Variants in INPPL1 observed in about 807,000 individuals in gnomAD.
INPPL1 encodes the protein phosphatidylinositol 3,4,5-trisphosphate 5-phosphatase 2.
A neutral mutation model predicts 139.3 loss-of-function variants in INPPL1; 91 were observed. The ratio of observed to expected loss-of-function variants is 0.65; its 90% confidence interval spans 0.55 to 0.78. INPPL1 has a LOEUF of 0.78. INPPL1 is among the 30% of genes least tolerant of loss of function. The probability of loss-of-function intolerance (pLI) is 0.00; values close to 1 mark genes in which losing one functional copy is unlikely to be tolerated. For missense variants in INPPL1, 1,411 were observed against 1,665.6 expected (o/e 0.85, Z 2.66); for synonymous variants, 719 against 686.6 (o/e 1.05, Z -0.74).
At position 72,228,752 on chromosome 11, in the gene INPPL1, GC is replaced by G; in HGVS notation, c.428del (p.Pro143ArgfsTer36). On this transcript the variant is annotated frameshift_variant, in exon 4 of 28. Transcript: ENST00000298229. LOFTEE classifies it high-confidence loss of function. The surrounding 1 kb of genome is among the most constrained non-coding windows in gnomAD (Gnocchi z 5.0). ...ATGGGGAGGATGAGAAGCCCCCGCT[GC>G]CCCCGCGCTCTGGCTCCACCAGCAT... ...SDGEDEKPPL[P>X]PRSGSTSISA... 1 of 1,608,162 alleles carries G rather than the reference GC, an allele frequency of 6.2e-7. No homozygotes were observed. The highest frequency in any genetic ancestry group is 1.1e-5 in the South Asian group (1 of 90,296).
chr11:72,232,259 C>T lies in INPPL1; in HGVS notation c.1635C>T (p.Gly545=), dbSNP rs190851536. Residue 545 remains glycine, a synonymous_variant, in exon 14 of 28, where the codon GGC becomes GGT. Transcript: ENST00000298229. The part of the protein sequence containing the change: ...ANTLGNKGAV[G]VSFMFNGTSF... The stretch of plus-strand genomic sequence containing the variant: ...TAACAGGGAACAAGGGGGCTGTGGG[C>T]GTCTCCTTCATGTTTAATGGCACCT... 8.1e-5 allele frequency: 126 copies of T among 1,556,146 alleles called. No homozygotes were observed. Among genetic ancestry groups the T allele is most frequent in the South Asian group, 7.0e-4 (59 of 84,356 alleles).
In INPPL1 at chr11:72,228,505, C is replaced by T. The variant is rs768475256; in HGVS notation, c.397+7C>T. 5 of 1,604,556 alleles carry T rather than the reference C, an allele frequency of 3.1e-6. No individual in the cohort carries two copies. The highest frequency in any genetic ancestry group is 2.5e-6 in the Non-Finnish European group (3 of 1,179,892). On this transcript the variant is annotated splice_region_variant and intron_variant, in intron 3 of 27. Coordinates refer to ENST00000298229, the MANE Select transcript of INPPL1 (RefSeq NM_001567.4). This position sits in a 1 kb window ranked among gnomAD's most constrained non-coding sequence, Gnocchi z 5.0. Reference sequence around the variant, plus strand: ...GATGACCGGGATGCCTCAGGTACTTCCCAGTGTGCAGGTCCCCTCCCTGCC... The same window carrying T: ...GATGACCGGGATGCCTCAGGTACTTTCCAGTGTGCAGGTCCCCTCCCTGCC...
intron 11 of INPPL1, 35 bp from the exon 12 acceptor site, chr11:72,230,958 C>T (rs1565389104): frequency 6.2e-7 from 1 of 1,610,892 alleles, no homozygotes; most frequent in East Asian, 2.2e-5. Flanking sequence ...AGGTGCCTAA[C>T]CCCTCCAGAC....
Position 72,233,743 on chromosome 11 carries a change from A to C in INPPL1, c.2211A>C (p.Lys737Asn). The change falls in exon 19 of 28, where the codon AAA (lysine) becomes AAC (asparagine). Residue 737 changes from lysine to asparagine, a missense_variant and splice_region_variant. Lys to Asn is a moderately conservative substitution (Grantham distance 94). Coordinates refer to ENST00000298229, the MANE Select transcript of INPPL1 (RefSeq NM_001567.4). The part of the protein sequence containing the change: ...VGVTSQFISK[K>N]GLSKTSDQAY... ...TTACCTCCCAGTTCATCTCCAAGAA[A>C]GGTGACTGTTCCAGATATGCTTGTG... 6.2e-7 allele frequency: 1 copy of C among 1,613,534 alleles called. No individual in the cohort carries two copies. The highest frequency in any genetic ancestry group is 8.5e-7 in the Non-Finnish European group (1 of 1,179,430).
rs746371096 is a variant in INPPL1, at chr11:72,234,732, A to AGAGAGTGTGTGT, written c.2415+118_2415+119insAGAGTGTGTGTG. 1.1e-5 allele frequency: 6 copies of AGAGAGTGTGTGT among 528,408 alleles called. No homozygotes were observed. Among genetic ancestry groups the AGAGAGTGTGTGT allele is most frequent in the African/African-American group, 1.0e-4 (5 of 48,498 alleles). The allele number at this position is 528,408 out of a possible 1,614,324, so 32.7% of individuals were successfully genotyped here. ...GGGGCCAGCAGAGAGAGAGAGAGAG[A>AGAGAGTGTGTGT]GTGTGTGTGTGTGTGTGTGTGTGTG... On this transcript the variant is annotated intron_variant, in intron 21 of 27. Coordinates refer to ENST00000298229, the MANE Select transcript of INPPL1 (RefSeq NM_001567.4). The surrounding 1 kb of genome is among the most constrained non-coding windows in gnomAD (Gnocchi z 4.2).
chr11:72,238,244 A>G lies in INPPL1; in HGVS notation c.3687-19A>G. The G allele has an allele frequency of 6.2e-7, 1 of 1,613,542 alleles. No homozygotes were observed. Among genetic ancestry groups the G allele is most frequent in the South Asian group, 1.1e-5 (1 of 91,052 alleles). On this transcript the variant is annotated intron_variant, in intron 27 of 27. Transcript: ENST00000298229. ...GATCCCCTTGCCCATCTCACTTCCC[A>G]GCCTGTTTTACTCCACAGTGACATC... is the stretch of plus-strand genomic sequence containing the variant.
rs768570394 is a variant in INPPL1 at position 72,237,708 on chromosome 11, C to G, written c.3464C>G (p.Pro1155Arg). ...LLPGPLELQP[P>R]RGLPSDYGRP... ...CCAGGCCCCCTGGAGCTGCAGCCCC[C>G]CCGGGGACTGCCCTCGGACTATGGC... is the stretch of plus-strand genomic sequence containing the variant. The change falls in exon 26 of 28, where the codon CCC becomes CGC. Residue 1155 changes from proline (P) to arginine (R), a missense_variant. Physicochemically the swap from Pro to Arg is moderately radical, Grantham distance 103 (BLOSUM62 -2). Around this residue, in one of 5 missense-constraint regions of INPPL1, gnomAD observed 438 missense variants for 425.7 expected, o/e 1.03. Coordinates refer to ENST00000298229, the MANE Select transcript of INPPL1 (RefSeq NM_001567.4). The G allele has an allele frequency of 2.5e-6, 4 of 1,611,684 alleles. No individual in the cohort carries two copies. Among genetic ancestry groups the G allele is most frequent in the Non-Finnish European group, 1.7e-6 (2 of 1,179,520 alleles).
At position 72,234,355 on chromosome 11, in the gene INPPL1, A is replaced by AC. The variant is rs1370512716; in HGVS notation, c.2289dup (p.Lys764GlnfsTer19). The AC allele has an allele frequency of 6.2e-7, 1 of 1,613,980 alleles. No individual in the cohort carries two copies. Among genetic ancestry groups the AC allele is most frequent in the Non-Finnish European group, 8.5e-7 (1 of 1,180,028 alleles). ...GGCCATTGTGAAGACAGCCAGCCGC[A>AC]CCAAGTTCTTCATCGAGTTCTACTC... On this transcript the variant is annotated frameshift_variant, in exon 20 of 28. Coordinates refer to ENST00000298229, the MANE Select transcript of INPPL1 (RefSeq NM_001567.4). LOFTEE classifies it high-confidence loss of function. This position sits in a 1 kb window ranked among gnomAD's most constrained non-coding sequence, Gnocchi z 4.2.
Position 72,234,180 on chromosome 11 carries a change from C to T in INPPL1, c.2213-101C>T. On this transcript the variant is annotated intron_variant, in intron 19 of 27. Transcript: ENST00000298229. This position sits in a 1 kb window ranked among gnomAD's most constrained non-coding sequence, Gnocchi z 4.2. ...GGCCCCTCCTGGCCCTGCCTCCTTG[C>T]TCTGGACCCCTGATTTCCTGTCCCA... 1.1e-6 allele frequency: 1 copy of T among 909,158 alleles called. No homozygotes were observed. The highest frequency in any genetic ancestry group is 1.8e-6 in the Non-Finnish European group (1 of 563,986). The allele number at this position is 909,158 out of a possible 1,614,324, so 56.3% of individuals were successfully genotyped here. A position where few individuals can be genotyped will look rare whatever the true frequency, so the allele number is the denominator to read the frequency against.
intron 26 of INPPL1, 93 bp from the exon 27 acceptor site, chr11:72,237,949 C>G: frequency 6.8e-7 from 1 of 1,460,744 alleles, no homozygotes; most frequent in South Asian, 1.4e-5. Context: ...CCCAGCCCTT[C>G]CCTTCCTTTT....
At position 72,225,038 on chromosome 11, in the gene INPPL1, C is replaced by G; in HGVS notation, c.54C>G (p.Ala18=). The G allele has an allele frequency of 8.1e-7, 1 of 1,228,194 alleles. No homozygotes were observed. The highest frequency in any genetic ancestry group is 4.3e-5 in the Admixed American group (1 of 23,434). 76.1% of individuals were successfully genotyped at this position (1,228,194 alleles called of 1,614,324 possible). ...PGPGGALGSQ[A]PSWYHRDLSR... ...CGGGGGGCGCCCTGGGCAGCCAGGC[C>G]CCCTCCTGGTACCACCGCGACCTGA... The change falls in exon 1 of 28, where the codon GCC becomes GCG. Residue 18 remains alanine, a synonymous_variant. Coordinates refer to ENST00000298229, the MANE Select transcript of INPPL1 (RefSeq NM_001567.4).
Position 72,237,711 on chromosome 11 carries a change from G to A in INPPL1, c.3467G>A (p.Arg1156Gln), listed in dbSNP as rs773081790. 32 of 1,611,040 alleles carry A rather than the reference G, an allele frequency of 2.0e-5. No homozygotes were observed. The highest frequency in any genetic ancestry group is 8.9e-5 in the East Asian group (4 of 44,832). ...LPGPLELQPP[R>Q]GLPSDYGRPL... ...GGCCCCCTGGAGCTGCAGCCCCCCC[G>A]GGGACTGCCCTCGGACTATGGCCGG... The change falls in exon 26 of 28, where the codon CGG becomes CAG. Residue 1156 changes from arginine (R) to glutamine (Q), a missense_variant. Coordinates refer to ENST00000298229, the MANE Select transcript of INPPL1 (RefSeq NM_001567.4).
chr11:72,224,778 A>G lies in INPPL1; in HGVS notation c.-207A>G, dbSNP rs1439539229. On this transcript the variant is annotated 5_prime_UTR_variant, in exon 1 of 28. Coordinates refer to ENST00000298229, the MANE Select transcript of INPPL1 (RefSeq NM_001567.4). ...CTGAACAAACTTTTCTTTCTCTTCA[A>G]GTTGAGGCCGGCGCTGCAGGCAGCG... 2.1e-5 allele frequency: 4 copies of G among 187,072 alleles called. No individual in the cohort carries two copies. Among genetic ancestry groups the G allele is most frequent in the Non-Finnish European group, 3.1e-5 (3 of 96,474 alleles). 11.6% of individuals were successfully genotyped at this position (187,072 alleles called of 1,614,324 possible). A position where few individuals can be genotyped will look rare whatever the true frequency, so the allele number is the denominator to read the frequency against.
In INPPL1 at chr11:72,235,512, CG is replaced by C. The variant is rs1161548529; in HGVS notation, c.2659+67del. ...TGAACAGATCAAGGAGGGCAGGGTGCGGGGGGCATGTTGGAATCTCTGGGAT... is the reference window on the plus strand; with the variant it reads ...TGAACAGATCAAGGAGGGCAGGGTGCGGGGGCATGTTGGAATCTCTGGGAT... On this transcript the variant is annotated intron_variant, in intron 23 of 27. Transcript: ENST00000298229. This position sits in a 1 kb window ranked among gnomAD's most constrained non-coding sequence, Gnocchi z 4.9. 12 of 1,576,796 alleles carry C rather than the reference CG, an allele frequency of 7.6e-6. No homozygotes were observed. Among genetic ancestry groups the C allele is most frequent in the South Asian group, 1.1e-5 (1 of 87,682 alleles).
intron 18 of INPPL1, 47 bp downstream of exon 18, chr11:72,233,569 A>G: frequency 6.2e-7 from 1 of 1,607,304 alleles, no homozygotes; most frequent in Non-Finnish European, 8.5e-7. Context: ...GGTGGTCACC[A>G]TCTGGACTCT....
At chr11:72,236,747 G>T (rs571467056) in intron 25 of INPPL1, among the ~76,000 whole-genome samples, 14 of 152,220 alleles carry the variant, frequency 9.2e-5, no homozygotes, top group Non-Finnish European at 1.9e-4. Flanking sequence ...CTCTGAGAAA[G>T]ATTCTGCAGC....
At position 72,237,232 on chromosome 11, in the gene INPPL1, G is replaced by A. The variant is rs980588059; in HGVS notation, c.2988G>A (p.Leu996=). 3 of 1,613,878 alleles carry A rather than the reference G, an allele frequency of 1.9e-6. No individual in the cohort carries two copies. Among genetic ancestry groups the A allele is most frequent in the Admixed American group, 1.7e-5 (1 of 59,996 alleles). ...YYVLEGVPHQ[L]LPPEPPSPAR... ...TCCTTGAAGGGGTCCCGCACCAGCT[G>A]CTGCCCCCGGAGCCACCCTCGCCTG... Residue 996 remains leucine (L), a synonymous_variant, in exon 26 of 28, where the codon CTG becomes CTA. Coordinates refer to ENST00000298229, the MANE Select transcript of INPPL1 (RefSeq NM_001567.4).
At chr11:72,237,851 T>G in intron 26 of INPPL1, 55 bp downstream of exon 26, 1 of 1,527,202 alleles carries the variant, frequency 6.5e-7, no homozygotes, top group African/African-American at 1.4e-5. Context: ...GCCCACAGAC[T>G]GGTACCCTTT....
intron 26 of INPPL1, 76 bp downstream of exon 26, chr11:72,237,872 T>A (rs753383773): frequency 3.3e-5 from 50 of 1,500,088 alleles, no homozygotes; most frequent in Non-Finnish European, 4.2e-5. Flanking sequence ...CACTCCACCA[T>A]TCAGCACTCA....
Sources: gnomAD v4.1 joint callset for allele counts (sites outside exome capture counted in the v4.1 genomes callset) on GRCh38, gnomAD v4.1.1 for gene constraint, gnomAD v4.1.1 regional missense constraint, Gnocchi (gnomAD v3.1) non-coding constraint, MANE v1.5 for transcripts, NCBI Gene and HGNC (gene_info 2026-07-23, HGNC 2026-07-21) for gene names.